The following DOCK1 variants were observed in gnomAD, a reference collection of about 807,000 sequenced individuals.
DOCK1 encodes the protein dedicator of cytokinesis protein 1.
In DOCK1, 138 loss-of-function variants were observed where a neutral mutation model predicts 262.7. The observed-to-expected ratio is 0.53, with a 90% confidence interval of 0.46 to 0.61. DOCK1 has a LOEUF of 0.61. Among genes scored for constraint, DOCK1 ranks in the 20% least tolerant of loss-of-function variants. The probability of loss-of-function intolerance (pLI) is 0.00; values close to 1 mark genes in which losing one functional copy is unlikely to be tolerated. For synonymous variants in DOCK1, 866 were observed against 867.4 expected, an observed-to-expected ratio of 1.00 and a Z score of 0.03; for missense variants, 1,908 against 2,370.7, an observed-to-expected ratio of 0.80 and a Z score of 4.05.
intron 38 of DOCK1, among the ~76,000 whole-genome samples, chr10:127,385,145 C>A (rs930558363): frequency 6.6e-6 from 1 of 152,150 alleles, no homozygotes; most frequent in Non-Finnish European, 1.5e-5. Flanking sequence ...ATTTTTATAA[C>A]CCTTACCAGA....
At chr10:127,241,312 C>T (rs1219729689) in intron 27 of DOCK1, among the ~76,000 whole-genome samples, 3 of 152,150 alleles carry the variant, frequency 2.0e-5, no homozygotes, top group African/African-American at 7.2e-5. Flanking sequence ...GAGCAACCCT[C>T]CATCTCAAAA....
At chr10:126,961,797 C>T (rs1256146247) in intron 1 of DOCK1, among the ~76,000 whole-genome samples, 3 of 152,154 alleles carry the variant, frequency 2.0e-5, no homozygotes, top group Non-Finnish European at 4.4e-5. Flanking sequence ...AATAATGCTG[C>T]TGTGAACATG....
intron 29 of DOCK1, among the ~76,000 whole-genome samples, chr10:127,309,220 G>A (rs763324010): frequency 2.0e-4 from 30 of 151,706 alleles, no homozygotes; most frequent in Non-Finnish European, 3.8e-4. Context: ...ACATTTGTTG[G>A]CACCATGAAT....
At chr10:127,393,228 G>A (rs923403655) in intron 38 of DOCK1, among the ~76,000 whole-genome samples, 2 of 152,166 alleles carry the variant, frequency 1.3e-5, no homozygotes, top group African/African-American at 4.8e-5. Flanking sequence ...CCTCAGTTAA[G>A]CTTGGAGACC....
chr10:127,060,270 A>C (rs1270719871), intron 22 of DOCK1, among the ~76,000 whole-genome samples: 1 of 152,138 alleles, frequency 6.6e-6, no homozygotes, highest in Non-Finnish European at 1.5e-5. Context: ...GAAGGGTTGC[A>C]CCAGTCTACC....
chr10:127,317,847 T>C (rs2062351660), intron 29 of DOCK1, among the ~76,000 whole-genome samples: 1 of 152,194 alleles, frequency 6.6e-6, no homozygotes, highest in South Asian at 2.1e-4. Flanking sequence ...GAGCTCTTAC[T>C]TTGACTCCTC....
intron 1 of DOCK1, among the ~76,000 whole-genome samples, chr10:126,954,099 C>T (rs1182269252): frequency 6.6e-6 from 1 of 152,218 alleles, no homozygotes; most frequent in Non-Finnish European, 1.5e-5. Flanking sequence ...GTTTTATAGC[C>T]TCTTGCTGAG....
At chr10:127,237,101 G>A (rs1239772136) in intron 27 of DOCK1, among the ~76,000 whole-genome samples, 9 of 152,186 alleles carry the variant, frequency 5.9e-5, no homozygotes, top group African/African-American at 2.2e-4. Flanking sequence ...ACTCTCGCCT[G>A]TAATCCCAGC....
intron 32 of DOCK1, among the ~76,000 whole-genome samples, chr10:127,360,299 C>T (rs1418706879): frequency 1.3e-5 from 2 of 152,162 alleles, no homozygotes; most frequent in African/African-American, 2.4e-5. Context: ...ACCGCAGCCA[C>T]GCACCCACAG....
At chr10:127,130,065 CTTTTTTTTTTTTTTTTTTTT>C (rs74721427) in intron 27 of DOCK1, among the ~76,000 whole-genome samples, 2 of 117,546 alleles carry the variant, frequency 1.7e-5, no homozygotes, top group Non-Finnish European at 3.3e-5. Flanking sequence ...TTAGGGTCTT[CTTTTTTTTTTTTTTTTTTTT>C]TTTTTTTTTT....
chr10:127,013,363 C>T (rs2041619624), intron 12 of DOCK1: 1 of 152,170 alleles, frequency 6.6e-6, no homozygotes, highest in African/African-American at 2.4e-5. Flanking sequence ...AATTGAAAAC[C>T]ACGGGGAGGT....
chr10:127,404,105 G>A (rs981295814), intron 39 of DOCK1, among the ~76,000 whole-genome samples: 8 of 152,168 alleles, frequency 5.3e-5, no homozygotes, highest in Middle Eastern at 3.4e-3. Flanking sequence ...ATTCCCTTGC[G>A]GAATGATGGA....
intron 38 of DOCK1, among the ~76,000 whole-genome samples, chr10:127,386,139 C>T (rs1017621893): frequency 2.6e-5 from 4 of 152,154 alleles, no homozygotes; most frequent in African/African-American, 7.2e-5. Context: ...CCCGTGGTCA[C>T]GAGCTTGGGA....
At chr10:127,415,447 C>T (rs1428320993) in intron 44 of DOCK1, among the ~76,000 whole-genome samples, 1 of 152,178 alleles carries the variant, frequency 6.6e-6, no homozygotes, top group Non-Finnish European at 1.5e-5. Context: ...GTAATCACGA[C>T]CAACTCTAGC....
chr10:126,983,611 T>C (rs758621968), intron 4 of DOCK1, among the ~76,000 whole-genome samples: 1 of 152,098 alleles, frequency 6.6e-6, no homozygotes, highest in Non-Finnish European at 1.5e-5. Context: ...TCTTGCAGGC[T>C]CTGTCTTTCT....
intron 21 of DOCK1, among the ~76,000 whole-genome samples, chr10:127,044,228 C>G (rs1358582374): frequency 1.3e-5 from 2 of 152,228 alleles, no homozygotes; most frequent in East Asian, 1.9e-4. Flanking sequence ...CAGTCATGAA[C>G]TCAGGTCAGA....
At chr10:127,295,266 G>A (rs757125765) in intron 29 of DOCK1, among the ~76,000 whole-genome samples, 5 of 152,162 alleles carry the variant, frequency 3.3e-5, no homozygotes, top group African/African-American at 1.2e-4. Context: ...AGGAGAGCAG[G>A]TATGACACAT....
chr10:126,977,664 G>A (rs897463446), intron 2 of DOCK1, among the ~76,000 whole-genome samples: 2 of 152,172 alleles, frequency 1.3e-5, no homozygotes, highest in African/African-American at 4.8e-5. Flanking sequence ...TTGGAACTGT[G>A]CATCTGAACT....
intron 27 of DOCK1, among the ~76,000 whole-genome samples, chr10:127,235,911 T>C (rs2059032610): frequency 3.3e-5 from 5 of 152,180 alleles, no homozygotes; most frequent in African/African-American, 1.2e-4. Context: ...TGGCCATTTG[T>C]GTTCCTTTTT....
Sources: gnomAD v4.1 joint callset for allele counts (sites outside exome capture counted in the v4.1 genomes callset) on GRCh38, gnomAD v4.1.1 for gene constraint, MANE v1.5 for transcripts, NCBI Gene and HGNC (gene_info 2026-07-23, HGNC 2026-07-21) for gene names.